SVOPL: variants seen among roughly 807,000 people sequenced by gnomAD.
SVOPL encodes putative transporter SVOPL.
Under a neutral mutation model 61.0 loss-of-function variants are expected in SVOPL, and 60 were observed. The observed-to-expected ratio is 0.98, with a 90% CI of 0.80 to 1.22. The LOEUF (loss-of-function observed/expected upper bound fraction) is 1.22, where lower values mean the gene tolerates loss of function less well. SVOPL is among the 50% of genes most tolerant of loss of function. SVOPL has a pLI of 0.00. For synonymous variants in SVOPL, 279 were observed against 250.0 expected, an observed-to-expected ratio of 1.12 and a Z score of -1.09; for missense variants, 662 against 643.9, an observed-to-expected ratio of 1.03 and a Z score of -0.30.
At chr7:138,641,662 A>G (rs1438135185) in intron 9 of SVOPL, among the ~76,000 whole-genome samples, 2 of 101,554 alleles carry the variant, frequency 2.0e-5, no homozygotes, top group African/African-American at 6.4e-5. Context: ...CAAGAGCGAA[A>G]CTCCATCTCA....
At chr7:138,667,296 G>T (rs982080880) in intron 4 of SVOPL, among the ~76,000 whole-genome samples, 1 of 152,112 alleles carries the variant, frequency 6.6e-6, no homozygotes, top group Non-Finnish European at 1.5e-5. Context: ...TTCTTTGCTG[G>T]TCTTGAAACC....
rs372110432 is a variant in SVOPL, at chr7:138,627,388, C to T, written c.1143G>A (p.Thr381=). ...TGTTGAGGAGAAGGAAGAATAAAGC[C>T]GTGCATCCCATGGTAATAGAAAGGC... ...RLSLSITMGC[T]ALFFLLLNIC... The change falls in exon 12 of 16, where the codon ACG becomes ACA. Residue 381 remains threonine (T), a synonymous_variant. Transcript: ENST00000674285. 19 of 1,613,538 alleles carry T rather than the reference C, an allele frequency of 1.2e-5. No homozygotes were observed. Among genetic ancestry groups the T allele is most frequent in the Non-Finnish European group, 1.4e-5 (17 of 1,179,644 alleles).
chr7:138,621,858 C>CTATGTATCTATCTATCTATG lies in SVOPL; in HGVS notation c.1264-724_1264-723insCATAGATAGATAGATACATA, dbSNP rs1563095547. On this transcript the variant is annotated intron_variant, in intron 13 of 15. Coordinates refer to ENST00000674285, the MANE Select transcript of SVOPL (RefSeq NM_001139456.2). ...TCTATCTATCTATGTATCTATCTAT[C>CTATGTATCTATCTATCTATG]TATCTATCTATCTATCTATCTATCT... 4.6e-3 allele frequency among the ~76,000 whole-genome samples: 252 copies of CTATGTATCTATCTATCTATG among 55,158 alleles called. 45 individuals are homozygous for CTATGTATCTATCTATCTATG. Among genetic ancestry groups the CTATGTATCTATCTATCTATG allele is most frequent in the East Asian group, 9.8e-3 (11 of 1,120 alleles). 36.2% of individuals were successfully genotyped at this position (55,158 alleles called of 152,430 possible).
chr7:138,630,238 T>C, intron 9 of SVOPL, 116 bp from the exon 10 acceptor site: 1 of 802,142 alleles, frequency 1.2e-6, no homozygotes, highest in South Asian at 1.5e-5. Context: ...TGGCCTGCGA[T>C]AACCACTCAG....
At chr7:138,681,929 AT>A (rs1471617156) in intron 1 of SVOPL, among the ~76,000 whole-genome samples, 4 of 152,196 alleles carry the variant, frequency 2.6e-5, no homozygotes, top group Non-Finnish European at 5.9e-5. Context: ...CACATTGAAG[AT>A]GTTAAAATCC....
At chr7:138,608,247 G>A (rs369785356) in intron 14 of SVOPL, among the ~76,000 whole-genome samples, 2 of 152,184 alleles carry the variant, frequency 1.3e-5, no homozygotes, top group African/African-American at 4.8e-5. Context: ...TAGGATTTGG[G>A]TGGAATGTTA....
rs193032383 is a variant in SVOPL at position 138,619,614 on chromosome 7, T to G, written c.1353+1432A>C. The stretch of plus-strand genomic sequence containing the variant: ...GTGAAAAAGACAGGTGGGGAAAACA[T>G]TCCCAAGATAGTTTTAAAAAATTCA... On this transcript the variant is annotated intron_variant, in intron 14 of 15. Coordinates refer to ENST00000674285, the MANE Select transcript of SVOPL (RefSeq NM_001139456.2). 3.1e-5 allele frequency among the ~76,000 whole-genome samples: 4 copies of G among 130,064 alleles called. 1 individual carries two copies. Among genetic ancestry groups the G allele is most frequent in the Admixed American group, 3.1e-4 (4 of 13,108 alleles). 85.3% of individuals were successfully genotyped at this position (130,064 alleles called of 152,430 possible).
intron 6 of SVOPL, 86 bp from the exon 7 acceptor site, chr7:138,656,597 G>T (rs1422777366): frequency 7.9e-6 from 11 of 1,399,782 alleles, no homozygotes; most frequent in Admixed American, 1.8e-5. Flanking sequence ...TTGTCACAGG[G>T]ATAAAGAATT....
chr7:138,651,394 G>A (rs781223978), intron 7 of SVOPL, among the ~76,000 whole-genome samples: 3 of 152,218 alleles, frequency 2.0e-5, no homozygotes, highest in African/African-American at 2.4e-5. Context: ...TGTATCAACC[G>A]AAGAACAATC....
At chr7:138,608,663 T>G (rs1798861852) in intron 14 of SVOPL, among the ~76,000 whole-genome samples, 2 of 152,156 alleles carry the variant, frequency 1.3e-5, no homozygotes, top group South Asian at 4.2e-4. Context: ...TCCACGTGTA[T>G]GTTATACTTC....
At chr7:138,665,163 T>C (rs911431709) in intron 4 of SVOPL, among the ~76,000 whole-genome samples, 2 of 110,210 alleles carry the variant, frequency 1.8e-5, no homozygotes, top group South Asian at 7.1e-4. Context: ...TGCTTGTCTT[T>C]AATACATGAC....
intron 1 of SVOPL, chr7:138,688,908 A>G (rs1802878512): frequency 4.4e-6 from 2 of 454,314 alleles, no homozygotes; most frequent in East Asian, 5.0e-5. Context: ...AATTAGGATC[A>G]TTGCAGATGT....
intron 14 of SVOPL, among the ~76,000 whole-genome samples, chr7:138,617,159 G>A (rs772986986): frequency 2.2e-4 from 34 of 151,846 alleles, no homozygotes; most frequent in Non-Finnish European, 2.9e-4. Flanking sequence ...TAGTAGAGAC[G>A]AGGTTTCACC....
At chr7:138,628,003 C>T (rs1799968843) in intron 11 of SVOPL, among the ~76,000 whole-genome samples, 155 bp downstream of exon 11, 2 of 152,142 alleles carry the variant, frequency 1.3e-5, no homozygotes, top group South Asian at 2.1e-4. Context: ...CTTGCCAACA[C>T]CAATCCAAAC....
Position 138,689,765 on chromosome 7 carries a change from G to A in SVOPL, c.-34-10686C>T, listed in dbSNP as rs576772390. On this transcript the variant is annotated intron_variant, in intron 1 of 15. Transcript: ENST00000674285. Reference sequence around the variant, plus strand: ...CCAGCTACTCAAGAGGCTGAGGCAGGAGAATCTCTTGAACCTGGGAGGTGG... The same window carrying A: ...CCAGCTACTCAAGAGGCTGAGGCAGAAGAATCTCTTGAACCTGGGAGGTGG... 1.1e-3 allele frequency among the ~76,000 whole-genome samples: 172 copies of A among 150,702 alleles called. 1 individual carries two copies. The highest frequency in any genetic ancestry group is 2.0e-3 in the Non-Finnish European group (135 of 67,894).
chr7:138,638,032 C>G (rs73458891), intron 9 of SVOPL, among the ~76,000 whole-genome samples: 11,653 of 151,696 alleles, frequency 0.077, 1,475 homozygotes, highest in African/African-American at 0.27. Context: ...TCAGCATTTT[C>G]CAAGGTAAAT....
intron 4 of SVOPL, chr7:138,663,435 G>A: frequency 1.4e-5 from 17 of 1,255,704 alleles, no homozygotes; most frequent in Non-Finnish European, 1.7e-5. Flanking sequence ...ATTCAGATGT[G>A]TACTTGTGAA....
At chr7:138,647,779 T>C (rs1439897387) in intron 8 of SVOPL, among the ~76,000 whole-genome samples, 1 of 138,610 alleles carries the variant, frequency 7.2e-6, no homozygotes, top group African/African-American at 2.8e-5. Context: ...ACATGGGAGG[T>C]GGAGGTTGCA....
chr7:138,598,912 T>C (rs117775506), intron 14 of SVOPL, among the ~76,000 whole-genome samples: 101 of 152,188 alleles, frequency 6.6e-4, no homozygotes, highest in Non-Finnish European at 1.2e-3. Context: ...CAAAACAATC[T>C]GTAATTCTAA....
Sources: allele counts gnomAD v4.1 joint callset (sites outside exome capture counted in the v4.1 genomes callset), GRCh38; gene constraint gnomAD v4.1.1; transcripts MANE v1.5; gene names NCBI Gene and HGNC (gene_info 2026-07-23, HGNC 2026-07-21).